Variants in TENM4 observed in about 807,000 individuals in gnomAD.
TENM4 encodes the protein teneurin transmembrane protein 4.
A neutral mutation model predicts 243.3 loss-of-function variants in TENM4; 82 were observed. That is an observed-to-expected ratio of 0.34 (90% CI 0.28 to 0.40). The LOEUF is 0.40. Among genes scored for constraint, TENM4 ranks in the 10% least tolerant of loss-of-function variants. The probability of loss-of-function intolerance (pLI) is 1.00; values close to 1 mark genes in which losing one functional copy is unlikely to be tolerated. For missense variants in TENM4, 3,138 were observed against 3,673.3 expected (o/e 0.85, Z 3.77); for synonymous variants, 1,412 against 1,456.3 (o/e 0.97, Z 0.69).
intron 1 of TENM4, among the ~76,000 whole-genome samples, chr11:79,409,091 TGTGTGTGTGTGCGCGC>T (rs1858635636): frequency 8.5e-6 from 1 of 116,970 alleles, no homozygotes; most frequent in Non-Finnish European, 1.9e-5. Flanking sequence ...TGTGTGTGTG[TGTGTGTGTGTGCGCGC>T]GCGCGCGTGC....
intron 1 of TENM4, among the ~76,000 whole-genome samples, chr11:79,302,084 T>C (rs898823262): frequency 3.9e-5 from 6 of 152,212 alleles, no homozygotes; most frequent in Non-Finnish European, 7.3e-5. Flanking sequence ...CTTGGCACAT[T>C]CTAGGCACTC....
At chr11:79,223,780 C>T (rs1229562343) in intron 2 of TENM4, among the ~76,000 whole-genome samples, 3 of 152,190 alleles carry the variant, frequency 2.0e-5, no homozygotes, top group South Asian at 2.1e-4. Flanking sequence ...GGCAGCACCC[C>T]ATCATATTCT....
At position 78,881,433 on chromosome 11, in the gene TENM4, G is replaced by A. The variant is rs568757276; in HGVS notation, c.1084+8352C>T. ...ATTTCCGTTCTCCGGCTCCCTCACC[G>A]CCATGCCTCTATTGAAGACCATACA... On this transcript the variant is annotated intron_variant, in intron 9 of 33. Transcript: ENST00000278550. Among the ~76,000 whole-genome samples, 5 of 152,156 alleles carry A rather than the reference G, an allele frequency of 3.3e-5. No homozygotes were observed. The South Asian group carries it at 1.0e-3, about 32-fold the overall frequency.
At chr11:78,947,602 C>T (rs556890110) in intron 6 of TENM4, among the ~76,000 whole-genome samples, 3 of 152,284 alleles carry the variant, frequency 2.0e-5, no homozygotes, top group Admixed American at 6.5e-5. Context: ...TATAAACCTC[C>T]GACAGAGAGA....
chr11:78,882,651 G>A (rs989455709), intron 9 of TENM4, among the ~76,000 whole-genome samples: 7 of 152,200 alleles, frequency 4.6e-5, no homozygotes, highest in East Asian at 3.9e-4. Flanking sequence ...ACCACTCTAC[G>A]CAACTTGCAC....
intron 3 of TENM4, among the ~76,000 whole-genome samples, chr11:79,214,244 C>T (rs1864007270): frequency 6.6e-6 from 1 of 152,184 alleles, no homozygotes; most frequent in Admixed American, 6.5e-5. Flanking sequence ...ATCTACCCGC[C>T]TTGGCCTCCC....
At position 79,204,429 on chromosome 11, in the gene TENM4, G is replaced by A. The variant is rs189727262; in HGVS notation, c.-163+11379C>T. On this transcript the variant is annotated intron_variant, in intron 3 of 33. Transcript: ENST00000278550. Reference sequence around the variant, plus strand: ...AATCTTGAGCCCCTACTATGGCCTGGGCACCTATCTCTGGGAGCTGTGACT... The same window carrying A: ...AATCTTGAGCCCCTACTATGGCCTGAGCACCTATCTCTGGGAGCTGTGACT... Among the ~76,000 whole-genome samples, 199 of 152,226 alleles carry A rather than the reference G, an allele frequency of 1.3e-3. 1 individual carries two copies. The highest frequency in any genetic ancestry group is 4.5e-3 in the African/African-American group (188 of 41,532).
chr11:78,954,942 T>C (rs1857178322), intron 6 of TENM4, among the ~76,000 whole-genome samples: 1 of 152,246 alleles, frequency 6.6e-6, no homozygotes, highest in African/African-American at 2.4e-5. Context: ...CACAGCAGGC[T>C]AGAGGCAGAA....
At chr11:79,249,781 C>T (rs893016426) in intron 2 of TENM4, among the ~76,000 whole-genome samples, 1 of 152,274 alleles carries the variant, frequency 6.6e-6, no homozygotes, top group Admixed American at 6.5e-5. Context: ...GCTGGTTTCC[C>T]CATATTTAAA....
At chr11:78,907,292 TGA>T (rs1397066193) in intron 6 of TENM4, among the ~76,000 whole-genome samples, 2 of 138,190 alleles carry the variant, frequency 1.4e-5, no homozygotes, top group East Asian at 4.3e-4. Context: ...AAGACAGAGG[TGA>T]GAGGCTACAG....
intron 1 of TENM4, among the ~76,000 whole-genome samples, chr11:79,419,570 G>A (rs1858888099): frequency 6.6e-6 from 1 of 152,228 alleles, no homozygotes; most frequent in African/African-American, 2.4e-5. Context: ...ACTTGACAGT[G>A]TGATATGTAC....
chr11:79,017,972 G>C (rs1333970328), intron 6 of TENM4, among the ~76,000 whole-genome samples: 2 of 152,194 alleles, frequency 1.3e-5, no homozygotes, highest in East Asian at 3.9e-4. Context: ...TGCTGGAGAG[G>C]AAAGGTGGTC....
At chr11:78,727,554 G>A (rs976914677) in intron 22 of TENM4, among the ~76,000 whole-genome samples, 5 of 152,060 alleles carry the variant, frequency 3.3e-5, no homozygotes, top group African/African-American at 1.2e-4. Flanking sequence ...CGACTATGGT[G>A]TTTTTTAAAT....
At chr11:78,748,396 C>T (rs1035676411) in intron 19 of TENM4, among the ~76,000 whole-genome samples, 3 of 152,212 alleles carry the variant, frequency 2.0e-5, no homozygotes, top group Non-Finnish European at 2.9e-5. Context: ...GAGAGTCCAA[C>T]CTCTGAGGTC....
At chr11:79,408,180 A>C (rs74654392) in intron 1 of TENM4, among the ~76,000 whole-genome samples, 18,362 of 152,298 alleles carry the variant, frequency 0.12, 1,307 homozygotes, top group African/African-American at 0.19. Context: ...CCAGGATTAC[A>C]GGTGTAAGCC....
intron 1 of TENM4, among the ~76,000 whole-genome samples, chr11:79,301,604 G>A: frequency 6.6e-6 from 1 of 152,206 alleles, no homozygotes; most frequent in Non-Finnish European, 1.5e-5. Context: ...CAGGCTGTAT[G>A]CTCTATGAAT....
intron 6 of TENM4, among the ~76,000 whole-genome samples, chr11:79,062,364 C>T (rs530485077): frequency 3.3e-4 from 50 of 149,380 alleles, no homozygotes; most frequent in African/African-American, 1.2e-3. Context: ...TCTGGAAGGG[C>T]CTACAGGTCA....
At chr11:79,080,270 A>G (rs1489138979) in intron 4 of TENM4, among the ~76,000 whole-genome samples, 1 of 152,218 alleles carries the variant, frequency 6.6e-6, no homozygotes, top group Admixed American at 6.5e-5. Context: ...CCCGGGGACA[A>G]GGGGTTGGAG....
At chr11:79,314,139 T>C (rs1856766336) in intron 1 of TENM4, among the ~76,000 whole-genome samples, 1 of 152,208 alleles carries the variant, frequency 6.6e-6, no homozygotes, top group Non-Finnish European at 1.5e-5. Flanking sequence ...TCAGAATGTG[T>C]GGCCTTGCAA....
Sources: allele counts gnomAD v4.1 joint callset (sites outside exome capture counted in the v4.1 genomes callset), GRCh38; gene constraint gnomAD v4.1.1; transcripts MANE v1.5; gene names NCBI Gene and HGNC (gene_info 2026-07-23, HGNC 2026-07-21).